TRO: variants seen among roughly 807,000 people sequenced by gnomAD.
The protein encoded by TRO is trophinin.
TRO carries 29 observed loss-of-function variants against 42.3 expected under a neutral mutation model. That is an observed-to-expected ratio of 0.68 (90% CI 0.51 to 0.93). The LOEUF is 0.93. TRO is among the 40% of genes least tolerant of loss of function. TRO has a pLI of 0.00. For missense variants in TRO, 963 were observed against 1,127.7 expected (o/e 0.85, Z 2.09); for synonymous variants, 384 against 425.2 (o/e 0.90, Z 1.19).
Position 54,926,415 on chromosome X carries a change from A to G in TRO, c.1583A>G (p.Lys528Arg). ...ESSAGILGTT[K>R]DTPKLGLLMV... ...CTGTCCTGTTATTCCCTTAGGACCAAGGACACACCCAAGCTGGGTCTCCTC... is the reference window on the plus strand; with the variant it reads ...CTGTCCTGTTATTCCCTTAGGACCAGGGACACACCCAAGCTGGGTCTCCTC... Residue 528 changes from lysine (K) to arginine (R), a missense_variant, in exon 8 of 13, where the codon AAG becomes AGG. Transcript: ENST00000173898. 1 of 1,211,706 alleles carries G rather than the reference A, an allele frequency of 8.3e-7. No individual in the cohort carries two copies. Among genetic ancestry groups the G allele is most frequent in the East Asian group, 3.0e-5 (1 of 33,845 alleles).
At chrX:54,924,252 C>T (rs572519986) in intron 3 of TRO, 199 bp from the exon 4 acceptor site, 10 of 407,491 alleles carry the variant, frequency 2.5e-5, no homozygotes, top group African/African-American at 1.5e-4. Flanking sequence ...GGCAGAGGAA[C>T]GAAACTCCTT....
chrX:54,924,677 A>T lies in TRO; in HGVS notation c.1349A>T (p.Lys450Met), dbSNP rs772938991. ...CTATTCCTCTCCTCCCAGGCTAATAAGTTGGTGAAATACCTGTTGGTTAAG... is the reference window on the plus strand; with the variant it reads ...CTATTCCTCTCCTCCCAGGCTAATATGTTGGTGAAATACCTGTTGGTTAAG... ...DVAILQERAN[K>M]LVKYLLVKDQ... The change falls in exon 5 of 13, where the codon AAG becomes ATG. Residue 450 changes from lysine to methionine, a missense_variant. By Grantham distance (95) the Lys-to-Met change is moderately conservative. Transcript: ENST00000173898. The T allele has an allele frequency of 7.4e-6, 9 of 1,210,108 alleles. No individual in the cohort carries two copies. The East Asian group carries it at 2.4e-4, about 32-fold the overall frequency.
At chrX:54,927,840 G>A (rs1932820936) in intron 11 of TRO, 59 bp downstream of exon 11, 1 of 987,578 alleles carries the variant, frequency 1.0e-6, no homozygotes, top group Non-Finnish European at 1.4e-6. Flanking sequence ...CTTGGCTGGG[G>A]CAGGCAATGC....
In TRO at chrX:54,922,232, C is replaced by T. The variant is rs923838044; in HGVS notation, c.-15C>T. 8.3e-6 allele frequency: 10 copies of T among 1,205,852 alleles called. No individual in the cohort carries two copies. The African/African-American group carries it at 1.6e-4, about 19-fold the overall frequency. ...ATTCCCCTCAGGCTCACCTGTTACT[C>T]GGCCTCCCAGAAAGATGGATAGGAG... On this transcript the variant is annotated 5_prime_UTR_variant, in exon 2 of 13. Coordinates refer to ENST00000173898, the MANE Select transcript of TRO (RefSeq NM_001039705.3).
In TRO at chrX:54,929,613, C is replaced by T. The variant is rs1932926704; in HGVS notation, c.2889C>T (p.Pro963=). 1 of 1,211,336 alleles carries T rather than the reference C, an allele frequency of 8.3e-7. No individual in the cohort carries two copies. Among genetic ancestry groups the T allele is most frequent in the Admixed American group, 2.2e-5 (1 of 46,077 alleles). ...CCAGCATCTGCTTTGATGGCTCTCC[C>T]AGCACTGGTGCTGGCTTTGGTGGTG... The part of the protein sequence containing the change: ...LSTSICFDGS[P]STGAGFGGAL... The change falls in exon 12 of 13, where the codon CCC becomes CCT. Residue 963 remains proline (P), a synonymous_variant. Transcript: ENST00000173898.
At position 54,930,885 on chromosome X, in the gene TRO, C is replaced by T. The variant is rs761215261; in HGVS notation, c.4161C>T (p.Ser1387=). The change falls in exon 12 of 13, where the codon AGC becomes AGT. Residue 1387 remains serine (S), a synonymous_variant. Transcript: ENST00000173898. ...FCSGPSTSGF[S]GGPSTGAGFG... ...GTGGACCAAGCACCAGTGGCTTCAG[C>T]GGTGGACCGAGCACAGGAGCTGGCT... 1.1e-5 allele frequency: 13 copies of T among 1,208,563 alleles called. No individual in the cohort carries two copies. Among genetic ancestry groups the T allele is most frequent in the East Asian group, 5.9e-5 (2 of 33,623 alleles).
At chrX:54,928,580 T>G in intron 11 of TRO, 23 bp from the exon 12 acceptor site, 2 of 1,138,944 alleles carry the variant, frequency 1.8e-6, no homozygotes, top group Non-Finnish European at 2.3e-6. Context: ...GTTTTCTTAT[T>G]ATGATTATCA....
In TRO at chrX:54,927,679, C is replaced by T; in HGVS notation, c.1776C>T (p.Tyr592=). The change falls in exon 11 of 13, where the codon TAC becomes TAT. Residue 592 remains tyrosine, a synonymous_variant. Transcript: ENST00000173898. ...DEFVKQKYLE[Y]KRVPNSRPPE... ...TCCTTTTTCCAAGGTACCTGGAGTA[C>T]AAGAGGGTCCCTAACAGCAGACCAC... 5 of 1,208,951 alleles carry T rather than the reference C, an allele frequency of 4.1e-6. No individual in the cohort carries two copies. The highest frequency in any genetic ancestry group is 5.6e-6 in the Non-Finnish European group (5 of 893,392).
chrX:54,922,386 C>G (rs765888332), intron 2 of TRO, 95 bp downstream of exon 2: 7 of 1,039,465 alleles, frequency 6.7e-6, no homozygotes, highest in Non-Finnish European at 5.2e-6. Context: ...TTCATAATTC[C>G]CTGCCTAACT....
At chrX:54,923,792 C>G (rs189287681) in intron 3 of TRO, 24 bp downstream of exon 3, 10 of 1,156,771 alleles carry the variant, frequency 8.6e-6, no homozygotes, top group East Asian at 6.0e-5. Context: ...CATTGCCATC[C>G]TTAACTTTGT....
At chrX:54,927,140 GTGTTC>G in intron 10 of TRO, 35 bp downstream of exon 10, 1 of 1,196,962 alleles carries the variant, frequency 8.4e-7, no homozygotes, top group Non-Finnish European at 1.1e-6. Context: ...TGGCCCTGAA[GTGTTC>G]TGGGTATACT....
At chrX:54,931,121 G>A (rs1373655020) in intron 12 of TRO, 83 bp from the exon 13 acceptor site, 2 of 1,189,076 alleles carry the variant, frequency 1.7e-6, no homozygotes, top group African/African-American at 3.5e-5. Context: ...GGACAGCAGG[G>A]TGGAAAGGTG....
rs767404738 is a variant in TRO, at chrX:54,923,580, G to C, written c.1048G>C (p.Ala350Pro). The part of the protein sequence containing the change: ...GSRARKAATK[A>P]RATESQTPNA... Reference sequence around the variant, plus strand: ...TAGGGCTCGGAAGGCTGCCACTAAGGCTCGGGCAACTGAAAGCCAGACTCC... The same window carrying C: ...TAGGGCTCGGAAGGCTGCCACTAAGCCTCGGGCAACTGAAAGCCAGACTCC... The change falls in exon 3 of 13, where the codon GCT (alanine) becomes CCT (proline). Residue 350 changes from alanine (A) to proline (P), a missense_variant. By Grantham distance (27) the Ala-to-Pro change is conservative. Transcript: ENST00000173898. The C allele has an allele frequency of 1.8e-5, 21 of 1,199,584 alleles. No individual in the cohort carries two copies. The highest frequency in any genetic ancestry group is 2.2e-5 in the Non-Finnish European group (20 of 889,211).
In TRO at chrX:54,930,509, G is replaced by C. The variant is rs771786943; in HGVS notation, c.3785G>C (p.Gly1262Ala). Residue 1262 changes from glycine to alanine, a missense_variant, in exon 12 of 13, where the codon GGA (glycine) becomes GCA (alanine). Gly to Ala is a moderately conservative substitution (Grantham distance 60). Around this residue, in one of 2 missense-constraint regions of TRO, gnomAD observed 641 missense variants for 811.3 expected, o/e 0.79. Coordinates refer to ENST00000173898, the MANE Select transcript of TRO (RefSeq NM_001039705.3). ...GPGTSTGFGGGLGTSAGFSGG... is the reference protein window; with the variant it reads ...GPGTSTGFGGALGTSAGFSGG... ...GGCACCAGCACTGGTTTTGGTGGTGGACTGGGCACCAGTGCTGGCTTCAGT... is the reference window on the plus strand; with the variant it reads ...GGCACCAGCACTGGTTTTGGTGGTGCACTGGGCACCAGTGCTGGCTTCAGT... 3 of 1,209,494 alleles carry C rather than the reference G, an allele frequency of 2.5e-6. No homozygotes were observed. In the East Asian group the frequency reaches 8.9e-5, roughly 36 times the overall value.
In TRO at chrX:54,922,298, C is replaced by T. The variant is rs1345055154; in HGVS notation, c.45+7C>T. 3 of 1,207,125 alleles carry T rather than the reference C, an allele frequency of 2.5e-6. No individual in the cohort carries two copies. Among genetic ancestry groups the T allele is most frequent in the East Asian group, 3.0e-5 (1 of 33,758 alleles). ...TAGGGTGCCTCTATTTCAGGTGAGG[C>T]CTCTCTGCATTCTCTCTAGGCCATC... On this transcript the variant is annotated splice_region_variant and intron_variant, in intron 2 of 12. Coordinates refer to ENST00000173898, the MANE Select transcript of TRO (RefSeq NM_001039705.3).
chrX:54,930,387 T>C lies in TRO; in HGVS notation c.3663T>C (p.Gly1221=). ...GGLNTSAGFG[G]GLGTSAGFSG... ...TGAACACCAGTGCTGGCTTTGGTGG[T>C]GGCCTAGGCACCAGTGCTGGCTTCA... The change falls in exon 12 of 13, where the codon GGT becomes GGC. Residue 1221 remains glycine (G), a synonymous_variant. Coordinates refer to ENST00000173898, the MANE Select transcript of TRO (RefSeq NM_001039705.3). The C allele has an allele frequency of 8.3e-7, 1 of 1,211,884 alleles. No individual in the cohort carries two copies. The highest frequency in any genetic ancestry group is 1.1e-6 in the Non-Finnish European group (1 of 895,466).
intron 6 of TRO, among the ~76,000 whole-genome samples, chrX:54,925,324 T>C (rs1161373090): frequency 1.8e-5 from 2 of 111,784 alleles, no homozygotes; most frequent in African/African-American, 6.5e-5. Context: ...ATTCTGCATG[T>C]ATTTCAGATC....
At position 54,923,971 on chromosome X, in the gene TRO, C is replaced by A. The variant is rs1932451495; in HGVS notation, c.1236+203C>A. On this transcript the variant is annotated intron_variant, in intron 3 of 12. Transcript: ENST00000173898. The stretch of plus-strand genomic sequence containing the variant: ...GGTGAGGAAATAAGACATCCATACA[C>A]TCAGCTACAACCTGTATGTAATACT... 5 of 447,985 alleles carry A rather than the reference C, an allele frequency of 1.1e-5. No homozygotes were observed. In the Admixed American group the frequency reaches 2.1e-4, roughly 19 times the overall value. The allele number at this position is 447,985 out of a possible 1,213,427, so 36.9% of individuals were successfully genotyped here.
intron 7 of TRO, 97 bp from the exon 8 acceptor site, chrX:54,926,313 C>CT: frequency 1.2e-6 from 1 of 836,285 alleles, no homozygotes; most frequent in Non-Finnish European, 1.7e-6. Context: ...GCCTGGTGAG[C>CT]TGGCTGGTGT....
Sources: gnomAD v4.1 joint callset for allele counts (sites outside exome capture counted in the v4.1 genomes callset) on GRCh38, gnomAD v4.1.1 for gene constraint, gnomAD v4.1.1 regional missense constraint, MANE v1.5 for transcripts, NCBI Gene and HGNC (gene_info 2026-07-23, HGNC 2026-07-21) for gene names.